Variants in BPTF observed in about 807,000 individuals in gnomAD.
BPTF encodes the protein nucleosome-remodeling factor subunit BPTF.
Under a neutral mutation model 292.5 loss-of-function variants are expected in BPTF, and 18 were observed. The observed-to-expected ratio is 0.06, with a 90% confidence interval of 0.04 to 0.09. The LOEUF (loss-of-function observed/expected upper bound fraction) is 0.09. BPTF is among the 10% of genes least tolerant of loss of function. The probability of loss-of-function intolerance (pLI) is 1.00; values close to 1 mark genes in which losing one functional copy is unlikely to be tolerated. For missense variants in BPTF, 2,726 were observed against 3,498.7 expected (o/e 0.78, Z 5.57); for synonymous variants, 1,225 against 1,251.9 (o/e 0.98, Z 0.45).
intron 4 of BPTF, among the ~76,000 whole-genome samples, chr17:67,876,966 T>C (rs1330058046): frequency 6.6e-6 from 1 of 152,186 alleles, no homozygotes; most frequent in Admixed American, 6.5e-5. Flanking sequence ...CAGCTGAAGA[T>C]GCTGTACCTA....
intron 27 of BPTF, chr17:67,981,503 T>C: frequency 1.7e-6 from 2 of 1,181,196 alleles, no homozygotes; most frequent in Non-Finnish European, 2.1e-6. Flanking sequence ...CTCTTTGTTT[T>C]ATTGTACCTC....
intron 2 of BPTF, among the ~76,000 whole-genome samples, chr17:67,863,153 G>A (rs555207085): frequency 8.5e-5 from 13 of 152,264 alleles, no homozygotes; most frequent in African/African-American, 2.9e-4. Flanking sequence ...GGGTCAGCAG[G>A]GTTGGTTTTT....
rs1299637741 is a variant in BPTF, at chr17:67,829,800, T to G, written c.613+3463T>G. ...AATTTTTATAGTTTACAGGGTTGGT[T>G]TAAGTACTGACGTGACATTCCTAAC... On this transcript the variant is annotated intron_variant, in intron 1 of 27. Transcript: ENST00000306378. Among the ~76,000 whole-genome samples, 5 of 152,214 alleles carry G rather than the reference T, an allele frequency of 3.3e-5. No individual in the cohort carries two copies. The East Asian group carries it at 9.6e-4, about 29-fold the overall frequency.
rs779204945 is a variant in BPTF, at chr17:67,911,351, C to T, written c.3467C>T (p.Thr1156Ile). 12 of 1,614,074 alleles carry T rather than the reference C, an allele frequency of 7.4e-6. No individual in the cohort carries two copies. The highest frequency in any genetic ancestry group is 1.6e-4 in the Middle Eastern group (1 of 6,062). ...CTTAGAATGAGTGATCCTAGTCATA[C>T]CACAAACAAACTTTATCCAAAAGAT... ...SVLRMSDPSH[T>I]TNKLYPKDRV... is the part of the protein sequence containing the mutation. Residue 1156 changes from threonine (T) to isoleucine (I), a missense_variant, in exon 11 of 28, where the codon ACC (threonine) becomes ATC (isoleucine). Transcript: ENST00000306378.
intron 27 of BPTF, among the ~76,000 whole-genome samples, chr17:67,979,162 CCT>C (rs1250471716): frequency 4.0e-5 from 4 of 100,270 alleles, no homozygotes; most frequent in Non-Finnish European, 7.3e-5. Flanking sequence ...ACAACAAGAC[CCT>C]GTCTCAAAAA....
intron 26 of BPTF, among the ~76,000 whole-genome samples, chr17:67,971,402 CAA>C (rs1164198277): frequency 6.6e-6 from 1 of 150,404 alleles, no homozygotes; most frequent in Non-Finnish European, 1.5e-5. Flanking sequence ...TTTTTAAAAA[CAA>C]TGTCCAGGCC....
chr17:67,964,308 T>C lies in BPTF; in HGVS notation c.8358T>C (p.Cys2786=). The C allele has an allele frequency of 6.2e-7, 1 of 1,614,146 alleles. No individual in the cohort carries two copies. The highest frequency in any genetic ancestry group is 8.5e-7 in the Non-Finnish European group (1 of 1,180,018). ...SEAELIDEYV[C]PQCQSTEDAM... ...CAGAGCTCATTGATGAGTATGTCTG[T>C]CCACAGTGCCAGTCAACAGAGGATG... The change falls in exon 25 of 28, where the codon TGT becomes TGC. Residue 2786 remains cysteine (C), a synonymous_variant. Transcript: ENST00000306378.
chr17:67,978,905 G>A (rs1555695462), intron 27 of BPTF, among the ~76,000 whole-genome samples: 3 of 152,114 alleles, frequency 2.0e-5, no homozygotes, highest in Admixed American at 6.5e-5. Context: ...AGCTGGGCAC[G>A]GTGGCTCATG....
intron 1 of BPTF, among the ~76,000 whole-genome samples, chr17:67,840,667 A>G (rs2057485059): frequency 1.3e-5 from 2 of 151,772 alleles, no homozygotes; most frequent in African/African-American, 4.8e-5. Flanking sequence ...GCTCAAGGTG[A>G]TCCTCCCACT....
At chr17:67,865,105 C>T (rs898979868) in intron 2 of BPTF, among the ~76,000 whole-genome samples, 12 of 152,168 alleles carry the variant, frequency 7.9e-5, no homozygotes, top group Non-Finnish European at 1.3e-4. Context: ...TGTGCCCAGC[C>T]AGTTGATCAT....
intron 4 of BPTF, among the ~76,000 whole-genome samples, chr17:67,877,577 A>G (rs910293946): frequency 5.3e-5 from 8 of 152,254 alleles, no homozygotes; most frequent in Admixed American, 2.0e-4. Context: ...TCGACAAAAG[A>G]TAACTGTCAG....
At chr17:67,843,173 C>T (rs552146934) in intron 1 of BPTF, among the ~76,000 whole-genome samples, 9 of 129,028 alleles carry the variant, frequency 7.0e-5, no homozygotes, top group Admixed American at 1.5e-4. Flanking sequence ...TATATAGATA[C>T]ATATAGATAT....
chr17:67,851,044 T>A (rs769269947), intron 1 of BPTF, among the ~76,000 whole-genome samples: 13 of 152,084 alleles, frequency 8.5e-5, no homozygotes, highest in Admixed American at 2.0e-4. Context: ...ATATTTACAC[T>A]CACCAGACTA....
intron 11 of BPTF, among the ~76,000 whole-genome samples, chr17:67,913,808 A>C (rs1307108009): frequency 2.0e-5 from 3 of 152,152 alleles, no homozygotes; most frequent in African/African-American, 7.2e-5. Flanking sequence ...TAGTGTTGGT[A>C]GTTGTAAAAT....
At chr17:67,875,684 C>T (rs753570371) in intron 4 of BPTF, 3 of 1,606,824 alleles carry the variant, frequency 1.9e-6, no homozygotes, top group African/African-American at 1.3e-5. Flanking sequence ...CTCAGAAACC[C>T]CCGATAGCAG....
chr17:67,926,387 C>T (rs1446218617), intron 15 of BPTF, among the ~76,000 whole-genome samples: 6 of 139,854 alleles, frequency 4.3e-5, no homozygotes, highest in South Asian at 2.3e-4. Flanking sequence ...TGCAGTGGCG[C>T]GATCTCGGCT....
In BPTF at chr17:67,893,507, C is replaced by G; in HGVS notation, c.2193C>G (p.Thr731=). 6.2e-7 allele frequency: 1 copy of G among 1,614,094 alleles called. No homozygotes were observed. The highest frequency in any genetic ancestry group is 8.5e-7 in the Non-Finnish European group (1 of 1,179,990). ...GCGTCTACCACAATCAATACTCCAC[C>G]AATTCATTTGCTTTGAATAAGCACC... The part of the protein sequence containing the change: ...KYRVYHNQYS[T]NSFALNKHQH... The change falls in exon 6 of 28, where the codon ACC becomes ACG. Residue 731 remains threonine (T), a synonymous_variant. Coordinates refer to ENST00000306378, the MANE Select transcript of BPTF (RefSeq NM_182641.4).
chr17:67,877,589 T>C (rs767697673), intron 4 of BPTF, among the ~76,000 whole-genome samples: 1 of 152,202 alleles, frequency 6.6e-6, no homozygotes, highest in Non-Finnish European at 1.5e-5. Context: ...AACTGTCAGA[T>C]TGGAAAGCAT....
At chr17:67,908,873 C>T (rs1488673030) in intron 9 of BPTF, among the ~76,000 whole-genome samples, 9 of 135,608 alleles carry the variant, frequency 6.6e-5, no homozygotes, top group African/African-American at 1.7e-4. Flanking sequence ...CTCACTCTGT[C>T]GCCCAGGCTG....
Sources: allele counts gnomAD v4.1 joint callset (sites outside exome capture counted in the v4.1 genomes callset), GRCh38; gene constraint gnomAD v4.1.1; transcripts MANE v1.5; gene names NCBI Gene and HGNC (gene_info 2026-07-23, HGNC 2026-07-21).